FLT1: variants seen among roughly 807,000 people sequenced by gnomAD.
FLT1 encodes the protein fms related receptor tyrosine kinase 1.
FLT1 carries 49 observed loss-of-function variants against 156.3 expected under a neutral mutation model. The ratio of observed to expected loss-of-function variants is 0.31; its 90% CI spans 0.25 to 0.40. FLT1 has a LOEUF of 0.40. Among genes scored for constraint, FLT1 ranks in the 10% least tolerant of loss-of-function variants. The probability of loss-of-function intolerance (pLI) is 1.00; values close to 1 mark genes in which losing one functional copy is unlikely to be tolerated. For missense variants in FLT1, 1,322 were observed against 1,637.2 expected (o/e 0.81, Z 3.32); for synonymous variants, 594 against 583.8 (o/e 1.02, Z -0.25).
chr13:28,415,807 T>A (rs1876612886), intron 10 of FLT1, among the ~76,000 whole-genome samples: 1 of 152,214 alleles, frequency 6.6e-6, no homozygotes, highest in Admixed American at 6.5e-5. Context: ...CTCCTTTGAT[T>A]TCCTAAATAA....
chr13:28,482,073 A>G (rs1006860392), intron 1 of FLT1, among the ~76,000 whole-genome samples: 1 of 152,222 alleles, frequency 6.6e-6, no homozygotes, highest in Non-Finnish European at 1.5e-5. Flanking sequence ...TAGGGCATGA[A>G]TCTAGAATAA....
intron 9 of FLT1, 125 bp from the exon 10 acceptor site, chr13:28,427,443 A>T: frequency 2.2e-6 from 2 of 901,380 alleles, no homozygotes; most frequent in South Asian, 2.8e-5. Context: ...GAAACAAAAA[A>T]ACAAATAAAC....
intron 14 of FLT1, among the ~76,000 whole-genome samples, chr13:28,382,467 T>C (rs1390101605): frequency 6.6e-6 from 1 of 152,210 alleles, no homozygotes; most frequent in Non-Finnish European, 1.5e-5. Context: ...ATTCTTGAAC[T>C]TCATCGAAGT....
At chr13:28,424,753 G>A (rs902139258) in intron 10 of FLT1, among the ~76,000 whole-genome samples, 2 of 152,148 alleles carry the variant, frequency 1.3e-5, no homozygotes, top group African/African-American at 2.4e-5. Flanking sequence ...TGAGAGTAAT[G>A]TGCATATATT....
intron 29 of FLT1, among the ~76,000 whole-genome samples, chr13:28,306,390 G>C (rs562253173): frequency 8.7e-4 from 133 of 152,324 alleles, no homozygotes; most frequent in African/African-American, 3.0e-3. Flanking sequence ...ACCACGCATA[G>C]GTGGGCACAT....
intron 6 of FLT1, among the ~76,000 whole-genome samples, chr13:28,433,196 T>C (rs948486430): frequency 6.6e-6 from 1 of 152,226 alleles, no homozygotes; most frequent in Admixed American, 6.5e-5. Flanking sequence ...TAACAGTTTA[T>C]CATAGTTTCC....
intron 13 of FLT1, chr13:28,387,873 A>T: frequency 9.4e-7 from 1 of 1,058,848 alleles, no homozygotes; most frequent in Non-Finnish European, 1.1e-6. Flanking sequence ...ACTCTATGGA[A>T]TTCTTAAACT....
At position 28,445,572 on chromosome 13, in the gene FLT1, G is replaced by T. The variant is rs147075530; in HGVS notation, c.389-7227C>A. On this transcript the variant is annotated intron_variant, in intron 3 of 29. Coordinates refer to ENST00000282397, the MANE Select transcript of FLT1 (RefSeq NM_002019.4). ...CATTACATTAGATCACAGATGAAATGGATAAATGCCGGGAAAGACACAAAC... is the reference window on the plus strand; with the variant it reads ...CATTACATTAGATCACAGATGAAATTGATAAATGCCGGGAAAGACACAAAC... 5.3e-5 allele frequency among the ~76,000 whole-genome samples: 8 copies of T among 152,184 alleles called. No homozygotes were observed. In the East Asian group the frequency reaches 1.5e-3, roughly 29 times the overall value.
intron 11 of FLT1, among the ~76,000 whole-genome samples, chr13:28,404,053 AAAAAG>A (rs1362652010): frequency 4.4e-4 from 66 of 151,432 alleles, no homozygotes; most frequent in African/African-American, 9.8e-4. Context: ...CAAAAAAAAA[AAAAAG>A]AAAGAAAGAA....
At chr13:28,456,088 T>C (rs1879247375) in intron 3 of FLT1, among the ~76,000 whole-genome samples, 1 of 152,184 alleles carries the variant, frequency 6.6e-6, no homozygotes, top group Non-Finnish European at 1.5e-5. Context: ...AGCCTTTCTA[T>C]TGCCCTAAAA....
chr13:28,433,594 C>T (rs1412157769), intron 6 of FLT1, among the ~76,000 whole-genome samples: 1 of 152,182 alleles, frequency 6.6e-6, no homozygotes, highest in Admixed American at 6.5e-5. Flanking sequence ...CCAGTCTACA[C>T]TCTTCAAAAC....
intron 15 of FLT1, among the ~76,000 whole-genome samples, chr13:28,348,235 A>C (rs1872627921): frequency 6.6e-6 from 1 of 152,100 alleles, no homozygotes; most frequent in Non-Finnish European, 1.5e-5. Context: ...TCTGTCCTCC[A>C]CCTCTGCAGC....
rs575868969 is a variant in FLT1, at chr13:28,469,339, C to T, written c.65-1722G>A. Among the ~76,000 whole-genome samples, 128 of 152,328 alleles carry T rather than the reference C, an allele frequency of 8.4e-4. No individual in the cohort carries two copies. The Middle Eastern group carries it at 0.017, about 20-fold the overall frequency. On this transcript the variant is annotated intron_variant, in intron 1 of 29. Coordinates refer to ENST00000282397, the MANE Select transcript of FLT1 (RefSeq NM_002019.4). ...CAGATCTGTGAGATGATGTGTGTGT[C>T]AAATACCCTGGTTATGCCCAGCAGT...
chr13:28,436,721 C>T (rs1358657246), intron 4 of FLT1, among the ~76,000 whole-genome samples: 3 of 152,148 alleles, frequency 2.0e-5, no homozygotes, highest in Admixed American at 6.5e-5. Context: ...ATACCAAGTA[C>T]AGTATTGGGT....
intron 27 of FLT1, among the ~76,000 whole-genome samples, 158 bp from the exon 28 acceptor site, chr13:28,309,085 G>C (rs1870877484): frequency 6.6e-6 from 1 of 152,144 alleles, no homozygotes; most frequent in African/African-American, 2.4e-5. Flanking sequence ...TGACCCCTGG[G>C]AATCCTGACA....
At chr13:28,399,965 T>C (rs1361089205) in intron 11 of FLT1, among the ~76,000 whole-genome samples, 2 of 152,244 alleles carry the variant, frequency 1.3e-5, no homozygotes, top group Non-Finnish European at 2.9e-5. Flanking sequence ...ATTACCCTAT[T>C]CTACAGGTAG....
Position 28,434,084 on chromosome 13 carries a change from T to C in FLT1, c.650A>G (p.Lys217Arg), listed in dbSNP as rs1271295656. 12 of 1,614,104 alleles carry C rather than the reference T, an allele frequency of 7.4e-6. No homozygotes were observed. Among genetic ancestry groups the C allele is most frequent in the Non-Finnish European group, 1.0e-5 (12 of 1,180,020 alleles). ...CEATVNGHLY[K>R]TNYLTHRQTN... ...TTGTCGATGTGTGAGATAGTTTGTC[T>C]TATACAAATGCCCATTGACTGTTGC... The change falls in exon 5 of 30, where the codon AAG becomes AGG. Residue 217 changes from lysine (K) to arginine (R), a missense_variant. Coordinates refer to ENST00000282397, the MANE Select transcript of FLT1 (RefSeq NM_002019.4).
intron 3 of FLT1, among the ~76,000 whole-genome samples, chr13:28,456,788 T>G (rs1050839445): frequency 7.1e-6 from 1 of 140,508 alleles, no homozygotes; most frequent in East Asian, 2.0e-4. Context: ...AGGATGAGAC[T>G]CCCTCTCAAA....
At chr13:28,430,476 T>C (rs2137545454) in intron 7 of FLT1, among the ~76,000 whole-genome samples, 1 of 152,290 alleles carries the variant, frequency 6.6e-6, no homozygotes, top group Non-Finnish European at 1.5e-5. Flanking sequence ...TCTAAAAATC[T>C]ACCTGGCCAC....
Sources: gnomAD v4.1 joint callset for allele counts (sites outside exome capture counted in the v4.1 genomes callset) on GRCh38, gnomAD v4.1.1 for gene constraint, MANE v1.5 for transcripts, NCBI Gene and HGNC (gene_info 2026-07-23, HGNC 2026-07-21) for gene names.